The following SKIC3 variants were observed in gnomAD, a reference collection of about 807,000 sequenced individuals.
The protein encoded by SKIC3 is SKI3 subunit of superkiller complex.
At chr5:95,523,305 T>C in the SKIC3 span, 2 of 1,613,612 alleles carry the variant, frequency 1.2e-6, no homozygotes, top group Admixed American at 1.7e-5. Flanking sequence ...GTTACTGTTG[T>C]TAGGATAGCT....
At chr5:95,534,908 C>G in the SKIC3 span, among the ~76,000 whole-genome samples, 4 of 152,312 alleles carry the variant, frequency 2.6e-5, no homozygotes, top group African/African-American at 9.6e-5. Context: ...CATTAACTGC[C>G]CCATTAACAT....
the SKIC3 span, among the ~76,000 whole-genome samples, chr5:95,485,122 T>C: frequency 6.6e-6 from 1 of 152,362 alleles, no homozygotes; most frequent in African/African-American, 2.4e-5. Context: ...AAAGATTTAC[T>C]ATGATATAAT....
At chr5:95,486,361 C>A in the SKIC3 span, among the ~76,000 whole-genome samples, 1 of 152,222 alleles carries the variant, frequency 6.6e-6, no homozygotes, top group South Asian at 2.1e-4. Context: ...ACAAATTCCA[C>A]TGCCCTGCAG....
At chr5:95,525,554 C>A in the SKIC3 span, 1 of 1,613,802 alleles carries the variant, frequency 6.2e-7, no homozygotes, top group Non-Finnish European at 8.5e-7. Context: ...GCTTTTAACT[C>A]AAAAAATGCT....
the SKIC3 span, among the ~76,000 whole-genome samples, chr5:95,551,981 A>C: frequency 2.0e-5 from 3 of 152,138 alleles, no homozygotes; most frequent in African/African-American, 7.2e-5. Flanking sequence ...AATTTTCCCT[A>C]CACATTCAAA....
the SKIC3 span, among the ~76,000 whole-genome samples, chr5:95,487,132 A>C: frequency 4.6e-5 from 7 of 152,150 alleles, no homozygotes; most frequent in Non-Finnish European, 8.8e-5. Flanking sequence ...AGACCGGCCT[A>C]GCCTCCCACC....
At chr5:95,532,108 C>A in the SKIC3 span, among the ~76,000 whole-genome samples, 1 of 152,044 alleles carries the variant, frequency 6.6e-6, no homozygotes, top group Non-Finnish European at 1.5e-5. Flanking sequence ...GACAGACTAC[C>A]TTGACTACAT....
chr5:95,554,672 G>A, the SKIC3 span, among the ~76,000 whole-genome samples: 2 of 152,154 alleles, frequency 1.3e-5, no homozygotes, highest in African/African-American at 4.8e-5. Context: ...AGATTTCCCT[G>A]GGAAGGTATT....
At chr5:95,486,909 C>T in the SKIC3 span, among the ~76,000 whole-genome samples, 1 of 152,156 alleles carries the variant, frequency 6.6e-6, no homozygotes, top group Non-Finnish European at 1.5e-5. Flanking sequence ...CACCCACCTA[C>T]CCAGCCGAAT....
At chr5:95,505,403 G>T in the SKIC3 span, among the ~76,000 whole-genome samples, 6 of 152,314 alleles carry the variant, frequency 3.9e-5, no homozygotes, top group South Asian at 1.0e-3. Flanking sequence ...TATATTAAAA[G>T]TATTTCTTTA....
At chr5:95,513,770 T>G in the SKIC3 span, 2 of 803,408 alleles carry the variant, frequency 2.5e-6, no homozygotes, top group Admixed American at 2.2e-5. Flanking sequence ...TTAACCTAAG[T>G]TTTTCACTTC....
At chr5:95,465,023 G>A in the SKIC3 span, among the ~76,000 whole-genome samples, 1 of 148,930 alleles carries the variant, frequency 6.7e-6, no homozygotes, top group Non-Finnish European at 1.5e-5. Flanking sequence ...CACCTCCTGG[G>A]TTTGAGAGAT....
the SKIC3 span, chr5:95,517,429 T>A: frequency 8.0e-7 from 1 of 1,256,656 alleles, no homozygotes; most frequent in Non-Finnish European, 1.1e-6. Context: ...AGTACTTTAC[T>A]AGTCTCCTCC....
the SKIC3 span, among the ~76,000 whole-genome samples, chr5:95,544,850 G>C: frequency 3.9e-5 from 6 of 152,262 alleles, no homozygotes; most frequent in South Asian, 1.2e-3. Context: ...AAAAAGTACC[G>C]AACTCTGCAT....
the SKIC3 span, chr5:95,525,750 G>T: frequency 7.3e-7 from 1 of 1,369,256 alleles, no homozygotes; most frequent in Non-Finnish European, 1.0e-6. Context: ...ATTAACGAAC[G>T]AACACAGAAA....
chr5:95,482,974 T>C, the SKIC3 span, among the ~76,000 whole-genome samples: 1 of 152,142 alleles, frequency 6.6e-6, no homozygotes, highest in South Asian at 2.1e-4. Context: ...TAAGTGGGAA[T>C]GCTATCACTA....
chr5:95,549,222 A>G, the SKIC3 span, among the ~76,000 whole-genome samples: 1 of 152,038 alleles, frequency 6.6e-6, no homozygotes, highest in Non-Finnish European at 1.5e-5. Flanking sequence ...AGGCAAATGC[A>G]TTAGCAAAGT....
the SKIC3 span, chr5:95,484,838 GT>G: frequency 6.2e-7 from 1 of 1,613,804 alleles, no homozygotes; most frequent in Non-Finnish European, 8.5e-7. Flanking sequence ...AGAATTTTTC[GT>G]CTTTAACTGT....
At chr5:95,474,165 A>T in the SKIC3 span, among the ~76,000 whole-genome samples, 2 of 152,166 alleles carry the variant, frequency 1.3e-5, no homozygotes, top group Non-Finnish European at 2.9e-5. Context: ...TGAATAGGGG[A>T]GTCCTTTCTC....
Sources: allele counts gnomAD v4.1 joint callset (sites outside exome capture counted in the v4.1 genomes callset), GRCh38; gene constraint gnomAD v4.1.1; transcripts MANE v1.5; gene names NCBI Gene and HGNC (gene_info 2026-07-23, HGNC 2026-07-21).